Variants in TBC1D8 observed in about 807,000 individuals in gnomAD.
TBC1D8 encodes TBC1 domain family member 8.
TBC1D8 carries 65 observed loss-of-function variants against 118.8 expected under a neutral mutation model. The observed-to-expected ratio is 0.55, with a 90% CI of 0.45 to 0.67. TBC1D8 has a LOEUF of 0.67. TBC1D8 is among the 30% of genes least tolerant of loss of function. TBC1D8 has a pLI of 0.00. For missense variants in TBC1D8, 1,376 were observed against 1,471.2 expected (o/e 0.94, Z 1.06); for synonymous variants, 566 against 595.8 (o/e 0.95, Z 0.73).
intron 5 of TBC1D8, among the ~76,000 whole-genome samples, chr2:101,043,201 A>T (rs1681488356): frequency 6.6e-6 from 1 of 152,216 alleles, no homozygotes; most frequent in Non-Finnish European, 1.5e-5. Context: ...TACTGTTTCC[A>T]CGGGCGCCTG....
chr2:101,025,786 G>A (rs538551895), intron 15 of TBC1D8, among the ~76,000 whole-genome samples: 20 of 152,302 alleles, frequency 1.3e-4, no homozygotes, highest in Admixed American at 9.2e-4. Flanking sequence ...ACAAGGCGCC[G>A]TTTCAGGCCC....
chr2:101,072,091 G>T (rs1487776817), intron 2 of TBC1D8, among the ~76,000 whole-genome samples: 1 of 152,202 alleles, frequency 6.6e-6, no homozygotes, highest in Non-Finnish European at 1.5e-5. Context: ...GGGCAACCAG[G>T]TGCATTGTCA....
chr2:101,121,590 G>C (rs1678109848), intron 1 of TBC1D8, among the ~76,000 whole-genome samples: 1 of 152,332 alleles, frequency 6.6e-6, no homozygotes, highest in Non-Finnish European at 1.5e-5. Context: ...CATTTGTAAG[G>C]GCGCTAGTCC....
Position 101,151,245 on chromosome 2 carries a change from G to C in TBC1D8, c.9C>G (p.Leu3=). Reference sequence around the variant, plus strand: ...TCTTCAGCAGCACCTCCTCGGGCTTGAGCCACATCGCGGCGGTCCGGCCGC... The same window carrying C: ...TCTTCAGCAGCACCTCCTCGGGCTTCAGCCACATCGCGGCGGTCCGGCCGC... MW[L]KPEEVLLKNA... Residue 3 remains leucine, a synonymous_variant, in exon 1 of 20, where the codon CTC becomes CTG. Transcript: ENST00000409318. The C allele has an allele frequency of 1.7e-6, 2 of 1,189,458 alleles. No homozygotes were observed. The highest frequency in any genetic ancestry group is 5.1e-5 in the South Asian group (2 of 38,916). The allele number at this position is 1,189,458 out of a possible 1,614,324, so 73.7% of individuals were successfully genotyped here.
chr2:101,109,310 A>C (rs1398889847), intron 1 of TBC1D8, among the ~76,000 whole-genome samples: 1 of 152,184 alleles, frequency 6.6e-6, no homozygotes, highest in Non-Finnish European at 1.5e-5. Context: ...CGGGTGAGAA[A>C]AGAAAACTCA....
chr2:101,049,969 G>A (rs1278544727), intron 5 of TBC1D8, among the ~76,000 whole-genome samples: 3 of 151,780 alleles, frequency 2.0e-5, no homozygotes, highest in Admixed American at 6.6e-5. Context: ...TGGGACTACA[G>A]GCGCCTGCCA....
intron 5 of TBC1D8, among the ~76,000 whole-genome samples, chr2:101,043,809 G>A (rs929374284): frequency 1.2e-4 from 19 of 152,070 alleles, no homozygotes; most frequent in East Asian, 5.8e-4. Context: ...GCATGGTGAC[G>A]GGTGCCTGTA....
At position 101,150,503 on chromosome 2, in the gene TBC1D8, G is replaced by GT. The variant is rs560975330; in HGVS notation, c.127+623dup. ...TTTATCATCAACTTTACGAGCCTGG[G>GT]TTTTTTTTCCTATCATTCCTTGTAA... On this transcript the variant is annotated intron_variant, in intron 1 of 19. Transcript: ENST00000409318. Among the ~76,000 whole-genome samples the GT allele has an allele frequency of 1.8e-3, 278 of 152,210 alleles. 2 individuals are homozygous for GT. Among genetic ancestry groups the GT allele is most frequent in the East Asian group, 4.6e-3 (24 of 5,184 alleles).
At chr2:101,022,033 G>A (rs529335832) in intron 16 of TBC1D8, among the ~76,000 whole-genome samples, 30 of 152,270 alleles carry the variant, frequency 2.0e-4, no homozygotes, top group African/African-American at 6.3e-4. Context: ...CCACCACATC[G>A]TGGATGCCAA....
intron 9 of TBC1D8, among the ~76,000 whole-genome samples, chr2:101,034,810 C>A (rs977301072): frequency 2.6e-5 from 4 of 152,130 alleles, no homozygotes; most frequent in African/African-American, 9.7e-5. Context: ...TTTTTATATA[C>A]AAAAATACAG....
chr2:101,096,506 A>AT, intron 1 of TBC1D8, among the ~76,000 whole-genome samples: 1 of 151,884 alleles, frequency 6.6e-6, no homozygotes, highest in East Asian at 1.9e-4. Flanking sequence ...AATGAAACTC[A>AT]TATGACACAA....
intron 14 of TBC1D8, among the ~76,000 whole-genome samples, chr2:101,027,845 C>G (rs543148514): frequency 6.6e-6 from 1 of 152,372 alleles, no homozygotes; most frequent in Admixed American, 6.5e-5. Context: ...ACGGGGGAAA[C>G]AGGCTCACAG....
intron 2 of TBC1D8, among the ~76,000 whole-genome samples, chr2:101,061,050 C>T (rs1441401161): frequency 2.0e-5 from 3 of 151,860 alleles, no homozygotes; most frequent in African/African-American, 7.3e-5. Context: ...TAGCCAGTCA[C>T]GGTGGTGGGC....
At chr2:101,109,804 T>C (rs958058259) in intron 1 of TBC1D8, 17 of 985,330 alleles carry the variant, frequency 1.7e-5, no homozygotes, top group Non-Finnish European at 1.9e-5. Flanking sequence ...GGCAAACACT[T>C]ATTTTTAAAA....
In TBC1D8 at chr2:101,151,164, C is replaced by T; in HGVS notation, c.90G>A (p.Arg30=). Residue 30 remains arginine (R), a synonymous_variant, in exon 1 of 20, where the codon CGG becomes CGA. Transcript: ENST00000409318. ...QKSSCYFILQ[R]RRGHGEGGGR... ...CGCCCCCCTCGCCGTGCCCGCGGCG[C>T]CGCTGCAGGATGAAGTAGCAGCTGC... 1.6e-6 allele frequency: 2 copies of T among 1,226,042 alleles called. No individual in the cohort carries two copies. Among genetic ancestry groups the T allele is most frequent in the African/African-American group, 1.6e-5 (1 of 62,372 alleles). The allele number at this position is 1,226,042 out of a possible 1,614,324, so 75.9% of individuals were successfully genotyped here. A position where few individuals can be genotyped will look rare whatever the true frequency, so the allele number is the denominator to read the frequency against.
At chr2:101,134,306 G>C (rs1678744821) in intron 1 of TBC1D8, among the ~76,000 whole-genome samples, 1 of 151,792 alleles carries the variant, frequency 6.6e-6, no homozygotes, top group African/African-American at 2.4e-5. Flanking sequence ...TTGGGTCTTA[G>C]TATGTTCAGG....
In TBC1D8 at chr2:101,033,362, T is replaced by TA. The variant is rs764909218; in HGVS notation, c.1818+181dup. 8.1e-6 allele frequency: 6 copies of TA among 737,644 alleles called. No homozygotes were observed. The East Asian group carries it at 1.6e-4, about 20-fold the overall frequency. 45.7% of individuals were successfully genotyped at this position (737,644 alleles called of 1,614,324 possible). Reference sequence around the variant, plus strand: ...TCTCCTGACCTCATGATCCGTTGATTATAAGATGAGTAGTCCCTTTGGCCC... The same window carrying TA: ...TCTCCTGACCTCATGATCCGTTGATTAATAAGATGAGTAGTCCCTTTGGCCC... On this transcript the variant is annotated intron_variant, in intron 10 of 19. Transcript: ENST00000409318.
intron 1 of TBC1D8, among the ~76,000 whole-genome samples, chr2:101,143,063 CTTTT>C (rs11454446): frequency 7.1e-6 from 1 of 140,000 alleles, no homozygotes. Context: ...CTTTCCTTTC[CTTTT>C]TTTTTTTTTT....
chr2:101,016,809 TA>T (rs953325256), intron 17 of TBC1D8, among the ~76,000 whole-genome samples: 2 of 151,520 alleles, frequency 1.3e-5, no homozygotes, highest in Non-Finnish European at 2.9e-5. Context: ...TCATTCTCAG[TA>T]AACTATCACA....
Sources: allele counts gnomAD v4.1 joint callset (sites outside exome capture counted in the v4.1 genomes callset), GRCh38; gene constraint gnomAD v4.1.1; transcripts MANE v1.5; gene names NCBI Gene and HGNC (gene_info 2026-07-23, HGNC 2026-07-21).